Variants in KDM6A observed in about 807,000 individuals in gnomAD.
KDM6A encodes lysine demethylase 6A, also known as lysine-specific demethylase 6A.
A neutral mutation model predicts 117.6 loss-of-function variants in KDM6A; 11 were observed. The ratio of observed to expected loss-of-function variants is 0.09; its 90% CI spans 0.06 to 0.15. The LOEUF is 0.15. Ranked by LOEUF, KDM6A falls within the 10% of genes least tolerant of loss-of-function variation. The probability of loss-of-function intolerance (pLI) is 1.00; values close to 1 mark genes in which losing one functional copy is unlikely to be tolerated. For synonymous variants in KDM6A, 384 were observed against 396.1 expected (o/e 0.97, Z 0.36); for missense variants, 799 against 1,077.3 (o/e 0.74, Z 3.62).
chrX:44,931,231 AT>A (rs1180986803), intron 2 of KDM6A, among the ~76,000 whole-genome samples: 1 of 110,454 alleles, frequency 9.1e-6, no homozygotes, highest in Non-Finnish European at 1.9e-5. Context: ...TGCCTGGCCA[AT>A]TTTTTGTATC....
chrX:45,073,773 G>A (rs1196513379), intron 18 of KDM6A, among the ~76,000 whole-genome samples: 1 of 111,503 alleles, frequency 9.0e-6, no homozygotes, highest in East Asian at 2.9e-4. Context: ...CTGGATATTA[G>A]CCCTTTGTCA....
At chrX:45,047,583 C>G (rs149401049) in intron 8 of KDM6A, among the ~76,000 whole-genome samples, 927 of 90,398 alleles carry the variant, frequency 0.01, 11 homozygotes, top group African/African-American at 0.034. Flanking sequence ...TTTTGTTTCT[C>G]TTTCTGGAGT....
At chrX:44,878,485 C>T (rs868827519) in intron 2 of KDM6A, among the ~76,000 whole-genome samples, 13 of 111,936 alleles carry the variant, frequency 1.2e-4, no homozygotes, top group African/African-American at 3.9e-4. Context: ...TAATTTTTTA[C>T]GTGGACAAAG....
intron 6 of KDM6A, among the ~76,000 whole-genome samples, chrX:45,029,503 T>A (rs2042516873): frequency 1.8e-5 from 2 of 108,744 alleles, no homozygotes; most frequent in African/African-American, 3.4e-5. Flanking sequence ...TCCCAGCTAC[T>A]CCAGAGGCGG....
At chrX:44,940,563 G>A (rs1252440358) in intron 2 of KDM6A, among the ~76,000 whole-genome samples, 1 of 111,233 alleles carries the variant, frequency 9.0e-6, no homozygotes, top group African/African-American at 3.3e-5. Flanking sequence ...TAAATGATGG[G>A]CTCATCACTC....
At chrX:45,016,930 T>C (rs1249070051) in intron 5 of KDM6A, among the ~76,000 whole-genome samples, 1 of 111,993 alleles carries the variant, frequency 8.9e-6, no homozygotes, top group Non-Finnish European at 1.9e-5. Flanking sequence ...AAAATGACCA[T>C]TGTGAAATAT....
At chrX:44,922,471 T>C (rs1478838937) in intron 2 of KDM6A, among the ~76,000 whole-genome samples, 1 of 111,531 alleles carries the variant, frequency 9.0e-6, no homozygotes, top group African/African-American at 3.3e-5. Flanking sequence ...TAATTTGAAT[T>C]TTTTTTTGTT....
At chrX:45,021,698 G>C (rs963489285) in intron 6 of KDM6A, among the ~76,000 whole-genome samples, 5 of 112,056 alleles carry the variant, frequency 4.5e-5, no homozygotes, top group Non-Finnish European at 9.4e-5. Flanking sequence ...GAACAATACT[G>C]ATGATGTTAA....
chrX:45,057,380 C>T (rs1343150024), intron 10 of KDM6A, among the ~76,000 whole-genome samples: 1 of 111,380 alleles, frequency 9.0e-6, no homozygotes, highest in Non-Finnish European at 1.9e-5. Flanking sequence ...CAGCCCCCAC[C>T]CTGTGAACAT....
chrX:45,006,148 C>G (rs767023863), intron 4 of KDM6A, among the ~76,000 whole-genome samples: 15 of 80,202 alleles, frequency 1.9e-4, no homozygotes, highest in East Asian at 5.0e-4. Flanking sequence ...ACTGGCCAGT[C>G]CCCCCCAGCC....
At chrX:44,894,625 T>A (rs1171212568) in intron 2 of KDM6A, among the ~76,000 whole-genome samples, 2 of 109,075 alleles carry the variant, frequency 1.8e-5, no homozygotes, top group Admixed American at 9.9e-5. Flanking sequence ...TAATTAATTT[T>A]TTTTTTTTTT....
At chrX:44,960,532 A>T (rs937785475) in intron 2 of KDM6A, among the ~76,000 whole-genome samples, 5 of 111,784 alleles carry the variant, frequency 4.5e-5, no homozygotes, top group Admixed American at 2.9e-4. Flanking sequence ...ATTCCCCAGG[A>T]TCTCCTGTAG....
intron 4 of KDM6A, among the ~76,000 whole-genome samples, chrX:45,007,163 A>G (rs767978380): frequency 3.8e-4 from 42 of 111,630 alleles, no homozygotes; most frequent in Admixed American, 2.7e-3. Context: ...AAGAATGACA[A>G]TAACCTCTGC....
At chrX:44,894,502 T>G (rs1485390689) in intron 2 of KDM6A, among the ~76,000 whole-genome samples, 1 of 111,369 alleles carries the variant, frequency 9.0e-6, no homozygotes, top group Non-Finnish European at 1.9e-5. Context: ...TATTCCCATG[T>G]TATTCTTTTA....
chrX:45,022,408 G>A (rs1220969655), intron 6 of KDM6A, among the ~76,000 whole-genome samples: 1 of 111,252 alleles, frequency 9.0e-6, no homozygotes, highest in Non-Finnish European at 1.9e-5. Context: ...TTCTTTTGGG[G>A]GACTTTTACC....
At chrX:45,062,400 A>G (rs977807114) in intron 15 of KDM6A, among the ~76,000 whole-genome samples, 1 of 112,095 alleles carries the variant, frequency 8.9e-6, no homozygotes, top group African/African-American at 3.2e-5. Flanking sequence ...GATGAGTAAA[A>G]TTTCATGCCC....
At chrX:45,043,973 C>T (rs1293342882) in intron 8 of KDM6A, among the ~76,000 whole-genome samples, 1 of 111,630 alleles carries the variant, frequency 9.0e-6, no homozygotes, top group African/African-American at 3.3e-5. Flanking sequence ...TTTGTTTTAA[C>T]TGAACCTTTT....
At chrX:44,923,748 A>G (rs1421515300) in intron 2 of KDM6A, among the ~76,000 whole-genome samples, 1 of 109,221 alleles carries the variant, frequency 9.2e-6, no homozygotes, top group African/African-American at 3.4e-5. Context: ...TAAGACAGTC[A>G]GTCTCCCTCT....
chrX:45,081,227 CT>C (rs1177950842), intron 21 of KDM6A, among the ~76,000 whole-genome samples: 1 of 111,879 alleles, frequency 8.9e-6, no homozygotes, highest in Non-Finnish European at 1.9e-5. Flanking sequence ...CTACCGTGCC[CT>C]GCCAGCATGG....
Sources: allele counts gnomAD v4.1 joint callset (sites outside exome capture counted in the v4.1 genomes callset), GRCh38; gene constraint gnomAD v4.1.1; transcripts MANE v1.5; gene names NCBI Gene and HGNC (gene_info 2026-07-23, HGNC 2026-07-21).